CDK6: variants seen among roughly 807,000 people sequenced by gnomAD.
CDK6 encodes cyclin-dependent kinase 6.
A neutral mutation model predicts 37.1 loss-of-function variants in CDK6; 6 were observed. The observed-to-expected ratio is 0.16, with a 90% CI of 0.09 to 0.32. The LOEUF is 0.32. Among genes scored for constraint, CDK6 ranks in the 10% least tolerant of loss-of-function variants. The pLI is 1.00. For synonymous variants in CDK6, 160 were observed against 161.3 expected (o/e 0.99, Z 0.06); for missense variants, 224 against 418.9 (o/e 0.53, Z 4.06).
At chr7:92,723,900 A>T (rs1798423546) in intron 4 of CDK6, among the ~76,000 whole-genome samples, 1 of 142,152 alleles carries the variant, frequency 7.0e-6, no homozygotes, top group African/African-American at 2.8e-5. Context: ...ACAAGCTCAA[A>T]TTTAATAAGC....
intron 4 of CDK6, among the ~76,000 whole-genome samples, chr7:92,701,475 C>A (rs1366375285): frequency 6.6e-6 from 1 of 151,746 alleles, no homozygotes; most frequent in African/African-American, 2.4e-5. Context: ...GTGCGATCTC[C>A]ACTCACTGCA....
intron 5 of CDK6, among the ~76,000 whole-genome samples, chr7:92,659,855 C>T (rs1324990868): frequency 6.6e-6 from 1 of 152,040 alleles, no homozygotes; most frequent in Admixed American, 6.5e-5. Flanking sequence ...TGGACATCAT[C>T]CATTCCAGTG....
At chr7:92,675,701 T>C (rs1049111664) in intron 4 of CDK6, among the ~76,000 whole-genome samples, 1 of 152,200 alleles carries the variant, frequency 6.6e-6, no homozygotes, top group African/African-American at 2.4e-5. Flanking sequence ...ATCTCGCTCA[T>C]AGAGCTGTCT....
At chr7:92,686,223 C>T (rs578154500) in intron 4 of CDK6, among the ~76,000 whole-genome samples, 38 of 152,222 alleles carry the variant, frequency 2.5e-4, no homozygotes, top group Middle Eastern at 3.4e-3. Context: ...GATTTTGGTG[C>T]ACCCATCACT....
chr7:92,712,433 A>G (rs925059544), intron 4 of CDK6, among the ~76,000 whole-genome samples: 7 of 152,204 alleles, frequency 4.6e-5, no homozygotes, highest in African/African-American at 1.7e-4. Context: ...TGAGAACTAC[A>G]ATCGACTATT....
intron 4 of CDK6, among the ~76,000 whole-genome samples, chr7:92,713,486 A>C (rs1292049218): frequency 6.6e-6 from 1 of 152,124 alleles, no homozygotes; most frequent in East Asian, 1.9e-4. Flanking sequence ...CTCCATTAAA[A>C]ATGTTCCCTG....
At chr7:92,710,725 G>A in intron 4 of CDK6, 1 of 985,400 alleles carries the variant, frequency 1.0e-6, no homozygotes, top group Non-Finnish European at 1.2e-6. Flanking sequence ...GCTGATGAGT[G>A]ATCTTTTTGT....
intron 4 of CDK6, among the ~76,000 whole-genome samples, chr7:92,679,843 C>T (rs1463787902): frequency 6.6e-6 from 1 of 151,862 alleles, no homozygotes; most frequent in African/African-American, 2.4e-5. Context: ...GCCTCAGCTT[C>T]CCCAGTAGTT....
intron 7 of CDK6, among the ~76,000 whole-genome samples, chr7:92,616,999 C>T (rs1484994375): frequency 1.3e-5 from 2 of 152,188 alleles, no homozygotes; most frequent in African/African-American, 2.4e-5. Flanking sequence ...AATATTGTTT[C>T]TGCAAGAAAA....
intron 4 of CDK6, among the ~76,000 whole-genome samples, chr7:92,706,300 A>G (rs1413115346): frequency 1.3e-5 from 2 of 152,220 alleles, no homozygotes; most frequent in Non-Finnish European, 2.9e-5. Flanking sequence ...TTGGGAGGCC[A>G]AAGTGGGAGG....
chr7:92,767,844 G>T (rs956215622), intron 3 of CDK6, among the ~76,000 whole-genome samples: 2 of 152,040 alleles, frequency 1.3e-5, no homozygotes, highest in Non-Finnish European at 2.9e-5. Context: ...TATATTAAAA[G>T]CTCGTCTTCC....
At chr7:92,707,698 G>A (rs968539702) in intron 4 of CDK6, among the ~76,000 whole-genome samples, 2 of 152,140 alleles carry the variant, frequency 1.3e-5, no homozygotes, top group Non-Finnish European at 1.5e-5. Context: ...GCGTGCATGC[G>A]CACACACACA....
chr7:92,744,041 T>C (rs1458038057), intron 3 of CDK6, among the ~76,000 whole-genome samples: 1 of 152,270 alleles, frequency 6.6e-6, no homozygotes, highest in East Asian at 1.9e-4. Context: ...AAAAAATTTA[T>C]TGTCTTTCCA....
At position 92,614,646 on chromosome 7, in the gene CDK6, C is replaced by A; in HGVS notation, c.*494G>T. Reference sequence around the variant, plus strand: ...CTTGAGTCTTTAAAATTGAATTATTCTTGTCGTTTACAAAAAGTAACACTT... The same window carrying A: ...CTTGAGTCTTTAAAATTGAATTATTATTGTCGTTTACAAAAAGTAACACTT... On this transcript the variant is annotated 3_prime_UTR_variant, in exon 8 of 8. Coordinates refer to ENST00000424848, the MANE Select transcript of CDK6 (RefSeq NM_001145306.2). 1 of 234,428 alleles carries A rather than the reference C, an allele frequency of 4.3e-6. No individual in the cohort carries two copies. Among genetic ancestry groups the A allele is most frequent in the Non-Finnish European group, 8.4e-6 (1 of 118,726 alleles). 14.5% of individuals were successfully genotyped at this position (234,428 alleles called of 1,614,324 possible). A position where few individuals can be genotyped will look rare whatever the true frequency, so the allele number is the denominator to read the frequency against.
intron 4 of CDK6, among the ~76,000 whole-genome samples, chr7:92,680,265 T>C (rs924871133): frequency 6.7e-6 from 1 of 150,040 alleles, no homozygotes; most frequent in African/African-American, 2.4e-5. Flanking sequence ...AAACCCCGTC[T>C]CTACTAAAAA....
chr7:92,772,323 T>C (rs1432460488), intron 3 of CDK6, among the ~76,000 whole-genome samples: 1 of 152,132 alleles, frequency 6.6e-6, no homozygotes, highest in Admixed American at 6.6e-5. Flanking sequence ...CATTTGACTA[T>C]GGTTTATTTT....
At chr7:92,661,159 TGAG>T (rs1796825754) in intron 5 of CDK6, among the ~76,000 whole-genome samples, 1 of 152,148 alleles carries the variant, frequency 6.6e-6, no homozygotes, top group African/African-American at 2.4e-5. Flanking sequence ...GATGCAATGA[TGAG>T]GAGGTCACCA....
At chr7:92,746,270 T>C (rs1480920227) in intron 3 of CDK6, among the ~76,000 whole-genome samples, 1 of 152,234 alleles carries the variant, frequency 6.6e-6, no homozygotes, top group Admixed American at 6.5e-5. Flanking sequence ...CTCTGAGAAG[T>C]GAGAAGTCTC....
chr7:92,774,451 AGGTTTTTTTTTC>A (rs2115781810), intron 3 of CDK6, among the ~76,000 whole-genome samples: 1 of 152,344 alleles, frequency 6.6e-6, no homozygotes, highest in Non-Finnish European at 1.5e-5. Flanking sequence ...TTAGAACTAA[AGGTTTTTTTTTC>A]CACTTAGTTC....
Sources: allele counts gnomAD v4.1 joint callset (sites outside exome capture counted in the v4.1 genomes callset), GRCh38; gene constraint gnomAD v4.1.1; transcripts MANE v1.5; gene names NCBI Gene and HGNC (gene_info 2026-07-23, HGNC 2026-07-21).